CEACAM20: variants seen among roughly 807,000 people sequenced by gnomAD.
The protein encoded by CEACAM20 is CEA cell adhesion molecule 20.
In CEACAM20, 50 loss-of-function variants were observed where a neutral mutation model predicts 61.2. The ratio of observed to expected loss-of-function variants is 0.82; its 90% CI spans 0.65 to 1.03. CEACAM20 has a LOEUF of 1.03. Among genes scored for constraint, CEACAM20 ranks in the 50% least tolerant of loss-of-function variants. The pLI, the probability that CEACAM20 is intolerant of heterozygous loss-of-function variation, is 0.00. For missense variants in CEACAM20, 683 were observed against 736.4 expected (o/e 0.93, Z 0.84); for synonymous variants, 282 against 287.7 (o/e 0.98, Z 0.20).
intron 1 of CEACAM20, among the ~76,000 whole-genome samples, chr19:44,528,190 TTCTTTCCTTTCTTTC>T (rs1222912185): frequency 2.0e-5 from 3 of 151,278 alleles, no homozygotes; most frequent in Non-Finnish European, 4.4e-5. Flanking sequence ...TTTCCTTTCT[TTCTTTCCTTTCTTTC>T]TCTCTCTCCC....
intron 8 of CEACAM20, 44 bp downstream of exon 8, chr19:44,512,824 C>T (rs544772689): frequency 1.2e-5 from 18 of 1,534,114 alleles, no homozygotes; most frequent in Non-Finnish European, 1.5e-5. Flanking sequence ...TCTTCCCCAG[C>T]CCTCACCCCT....
chr19:44,520,633 C>G lies in CEACAM20; in HGVS notation c.871G>C (p.Gly291Arg), dbSNP rs1228776890. The G allele has an allele frequency of 6.2e-7, 1 of 1,614,016 alleles. No individual in the cohort carries two copies. The highest frequency in any genetic ancestry group is 8.5e-7 in the Non-Finnish European group (1 of 1,179,884). ...QSVNVQWFLS[G>R]QPLLPSEHLQ... Reference sequence around the variant, plus strand: ...TGCTCACTGGGCAGGAGGGGCTGGCCACTTAGGAACCACTGGACATTCACA... The same window carrying G: ...TGCTCACTGGGCAGGAGGGGCTGGCGACTTAGGAACCACTGGACATTCACA... The change falls in exon 5 of 12, where the codon GGC becomes CGC. Residue 291 changes from glycine to arginine, a missense_variant. By Grantham distance (125) the Gly-to-Arg change is moderately radical. Coordinates refer to ENST00000614924, the MANE Select transcript of CEACAM20 (RefSeq NM_001102597.3).
Position 44,511,062 on chromosome 19 carries a change from T to C in CEACAM20, c.1705A>G (p.Thr569Ala). ...PLMPPLRLVS[T>A]VPKNMESIYE... Reference sequence around the variant, plus strand: ...ATTGACTCCATGTTTTTTGGCACAGTGGAGACCAATCTGAGTGGGGGCATC... The same window carrying C: ...ATTGACTCCATGTTTTTTGGCACAGCGGAGACCAATCTGAGTGGGGGCATC... Residue 569 changes from threonine to alanine, a missense_variant, in exon 11 of 12, where the codon ACT becomes GCT. Coordinates refer to ENST00000614924, the MANE Select transcript of CEACAM20 (RefSeq NM_001102597.3). 4.3e-6 allele frequency: 7 copies of C among 1,613,902 alleles called. No individual in the cohort carries two copies. Among genetic ancestry groups the C allele is most frequent in the Non-Finnish European group, 5.1e-6 (6 of 1,179,846 alleles).
chr19:44,524,366 C>A, intron 2 of CEACAM20, 105 bp from the exon 3 acceptor site: 1 of 1,259,556 alleles, frequency 7.9e-7, no homozygotes, highest in East Asian at 2.3e-5. Flanking sequence ...TTGGAATTGC[C>A]AGAAGACTCT....
intron 4 of CEACAM20, among the ~76,000 whole-genome samples, chr19:44,521,421 G>A (rs1236834733): frequency 6.6e-6 from 1 of 152,080 alleles, no homozygotes. Context: ...ATGTGAGTGT[G>A]TCATGTATAT....
chr19:44,517,301 T>C (rs1971194792), intron 5 of CEACAM20, 77 bp from the exon 6 acceptor site: 3 of 1,537,918 alleles, frequency 2.0e-6, no homozygotes, highest in Non-Finnish European at 8.8e-7. Context: ...CACTTTCACC[T>C]TGGAATTTCA....
At chr19:44,510,543 G>GGAAGGAAAGAAA (rs1555674176) in intron 11 of CEACAM20, among the ~76,000 whole-genome samples, 2 of 48,922 alleles carry the variant, frequency 4.1e-5, no homozygotes, top group African/African-American at 1.2e-4. Context: ...AAGGAAGGAA[G>GGAAGGAAAGAAA]GAAGGAAAGA....
chr19:44,506,237 G>A (rs995107035), intron 11 of CEACAM20, 23 bp from the exon 12 acceptor site: 12 of 1,611,558 alleles, frequency 7.4e-6, no homozygotes, highest in Non-Finnish European at 1.0e-5. Flanking sequence ...GAGAAAATGT[G>A]AGCTCCATTT....
At chr19:44,515,577 C>A (rs1483223762) in intron 6 of CEACAM20, among the ~76,000 whole-genome samples, 3 of 152,116 alleles carry the variant, frequency 2.0e-5, no homozygotes, top group Non-Finnish European at 4.4e-5. Flanking sequence ...AACAGGCTCA[C>A]CTCAAAACTG....
At chr19:44,511,750 T>C (rs935784163) in intron 9 of CEACAM20, 78 bp from the exon 10 acceptor site, 11 of 1,466,496 alleles carry the variant, frequency 7.5e-6, no homozygotes, top group South Asian at 7.1e-5. Context: ...GAAATAGCTT[T>C]GGCCTCAGAG....
At chr19:44,514,372 G>T (rs2123575117) in intron 6 of CEACAM20, among the ~76,000 whole-genome samples, 1 of 152,232 alleles carries the variant, frequency 6.6e-6, no homozygotes, top group South Asian at 2.1e-4. Context: ...AGGAGGGTGA[G>T]GAAGGAGCTC....
chr19:44,509,678 A>G (rs1274154834), intron 11 of CEACAM20, among the ~76,000 whole-genome samples: 12 of 152,194 alleles, frequency 7.9e-5, no homozygotes, highest in African/African-American at 2.2e-4. Context: ...AAAGAAATGA[A>G]AAGGGAAAGG....
intron 2 of CEACAM20, among the ~76,000 whole-genome samples, chr19:44,524,599 A>G (rs1211962674): frequency 1.3e-5 from 2 of 151,476 alleles, no homozygotes; most frequent in African/African-American, 4.9e-5. Flanking sequence ...TTCTTTATTG[A>G]AACAGGGTTT....
intron 11 of CEACAM20, among the ~76,000 whole-genome samples, chr19:44,510,278 A>G (rs1275024115): frequency 6.6e-6 from 1 of 151,942 alleles, no homozygotes; most frequent in Admixed American, 6.6e-5. Context: ...TTGGGAGGCC[A>G]AGGCGGGCAG....
At chr19:44,528,388 C>A (rs1971601490) in intron 1 of CEACAM20, among the ~76,000 whole-genome samples, 1 of 152,026 alleles carries the variant, frequency 6.6e-6, no homozygotes. Context: ...CCACCACACT[C>A]AGCTAATTTT....
At chr19:44,522,427 A>C (rs1971393168) in intron 4 of CEACAM20, among the ~76,000 whole-genome samples, 1 of 152,002 alleles carries the variant, frequency 6.6e-6, no homozygotes, top group Admixed American at 6.6e-5. Flanking sequence ...TTCAGAGTTC[A>C]AGATCCCTTC....
In CEACAM20 at chr19:44,522,738, G is replaced by A. The variant is rs757184711; in HGVS notation, c.647C>T (p.Thr216Ile). The A allele has an allele frequency of 2.1e-5, 34 of 1,613,822 alleles. No individual in the cohort carries two copies. The Admixed American group carries it at 5.5e-4, about 26-fold the overall frequency. Residue 216 changes from threonine (T) to isoleucine (I), a missense_variant, in exon 4 of 12, where the codon ACC (threonine) becomes ATC (isoleucine). Thr to Ile is a moderately conservative substitution (Grantham distance 89, BLOSUM62 -1). Coordinates refer to ENST00000614924, the MANE Select transcript of CEACAM20 (RefSeq NM_001102597.3). ...ATGTTCTCTGGACACAGCATGGATG[G>A]TGAATGTTCTCGTGGTGTGAGACAG... ...SILSHTTRTF[T>I]IHAVSREHEG...
Position 44,524,240 on chromosome 19 carries a change from G to A in CEACAM20, c.218C>T (p.Ala73Val). 6.2e-7 allele frequency: 1 copy of A among 1,613,384 alleles called. No individual in the cohort carries two copies. The highest frequency in any genetic ancestry group is 8.5e-7 in the Non-Finnish European group (1 of 1,179,520). ...CTCTATGGCAGTGCCTGGGCTGACT[G>A]CAATGGAGGGTTTGGCCAGCTCTGA... ...RSRELAKPSI[A>V]VSPGTAIEQK... The change falls in exon 3 of 12, where the codon GCA becomes GTA. Residue 73 changes from alanine to valine, a missense_variant. Physicochemically the swap from Ala to Val is moderately conservative, Grantham distance 64. Transcript: ENST00000614924.
chr19:44,511,165 A>G lies in CEACAM20; in HGVS notation c.1612-10T>C. The stretch of plus-strand genomic sequence containing the variant: ...CTGAAGGCAGCTTCGTCTGCAAGTA[A>G]GCAGAGAAATTAGGCAGGGCCCACA... On this transcript the variant is annotated splice_polypyrimidine_tract_variant and intron_variant, in intron 10 of 11. Coordinates refer to ENST00000614924, the MANE Select transcript of CEACAM20 (RefSeq NM_001102597.3). 2 of 1,613,402 alleles carry G rather than the reference A, an allele frequency of 1.2e-6. No individual in the cohort carries two copies. The highest frequency in any genetic ancestry group is 2.2e-5 in the South Asian group (2 of 91,018).
Sources: gnomAD v4.1 joint callset for allele counts (sites outside exome capture counted in the v4.1 genomes callset) on GRCh38, gnomAD v4.1.1 for gene constraint, MANE v1.5 for transcripts, NCBI Gene and HGNC (gene_info 2026-07-23, HGNC 2026-07-21) for gene names.